Variants in ALDH1A1 observed in about 807,000 individuals in gnomAD.
ALDH1A1 encodes aldehyde dehydrogenase 1A1.
Under a neutral mutation model 62.1 loss-of-function variants are expected in ALDH1A1, and 19 were observed. The observed-to-expected ratio is 0.31, with a 90% CI of 0.21 to 0.45. ALDH1A1 has a LOEUF of 0.45. ALDH1A1 is among the 20% of genes least tolerant of loss of function. The pLI, the probability that ALDH1A1 is intolerant of heterozygous loss-of-function variation, is 1.00. For synonymous variants in ALDH1A1, 231 were observed against 215.9 expected, an observed-to-expected ratio of 1.07 and a Z score of -0.61; for missense variants, 521 against 607.1, an observed-to-expected ratio of 0.86 and a Z score of 1.49.
intron 1 of ALDH1A1, among the ~76,000 whole-genome samples, chr9:72,951,393 A>C (rs184340153): frequency 1.2e-4 from 18 of 151,968 alleles, no homozygotes; most frequent in Middle Eastern, 3.4e-3. Context: ...GGTTATTTAC[A>C]TTAGAGCTTC....
intron 1 of ALDH1A1, among the ~76,000 whole-genome samples, chr9:72,942,048 T>C (rs1399455525): frequency 6.6e-6 from 1 of 152,134 alleles, no homozygotes; most frequent in Non-Finnish European, 1.5e-5. Context: ...TGAATACAGA[T>C]GAAGACCATA....
At chr9:72,937,088 A>G (rs991317812) in intron 2 of ALDH1A1, among the ~76,000 whole-genome samples, 7 of 152,324 alleles carry the variant, frequency 4.6e-5, no homozygotes, top group Middle Eastern at 6.8e-3. Flanking sequence ...GCCATAGCCA[A>G]TAGTCAGGTT....
At chr9:72,923,381 G>A (rs4646544) in intron 7 of ALDH1A1, among the ~76,000 whole-genome samples, 1 of 152,138 alleles carries the variant, frequency 6.6e-6, no homozygotes, top group East Asian at 1.9e-4. Context: ...GGTACAGTAT[G>A]CTTCCACCAC....
Position 72,953,004 on chromosome 9 carries a change from TG to T in ALDH1A1, c.-5del. ...CTGGCGTGCCTGAGGATGACATTTC[TG>T]ATTCGGCTCCTGGAACACAGGTGAC... On this transcript the variant is annotated 5_prime_UTR_variant, in exon 1 of 13. Transcript: ENST00000297785. 2 of 1,613,084 alleles carry T rather than the reference TG, an allele frequency of 1.2e-6. No individual in the cohort carries two copies. The highest frequency in any genetic ancestry group is 2.2e-5 in the South Asian group (2 of 91,050).
intron 7 of ALDH1A1, among the ~76,000 whole-genome samples, chr9:72,919,740 C>T (rs747028161): frequency 1.3e-5 from 2 of 152,338 alleles, no homozygotes; most frequent in African/African-American, 2.4e-5. Flanking sequence ...CCACCCAACA[C>T]ACACACCTTT....
In ALDH1A1 at chr9:72,946,097, T is replaced by A. The variant is rs191241247; in HGVS notation, c.67-5845A>T. Among the ~76,000 whole-genome samples the A allele has an allele frequency of 9.9e-5, 15 of 152,112 alleles. No homozygotes were observed. In the East Asian group the frequency reaches 2.9e-3, roughly 29 times the overall value. Reference sequence around the variant, plus strand: ...GTCCTAGAGATGATAACAAAACTTGTCAGCAACTTCTGTACATCATATATT... The same window carrying A: ...GTCCTAGAGATGATAACAAAACTTGACAGCAACTTCTGTACATCATATATT... On this transcript the variant is annotated intron_variant, in intron 1 of 12. Coordinates refer to ENST00000297785, the MANE Select transcript of ALDH1A1 (RefSeq NM_000689.5).
chr9:72,946,620 G>T (rs1268316926), intron 1 of ALDH1A1, among the ~76,000 whole-genome samples: 1 of 151,974 alleles, frequency 6.6e-6, no homozygotes. Flanking sequence ...GTAAGGGTTT[G>T]TGAAGCAATC....
chr9:72,928,794 G>A, intron 4 of ALDH1A1, 98 bp downstream of exon 4: 2 of 1,318,710 alleles, frequency 1.5e-6, no homozygotes, highest in South Asian at 2.4e-5. Flanking sequence ...TGCCTTATTT[G>A]GTTGACATCT....
At chr9:72,930,787 A>G in intron 3 of ALDH1A1, 92 bp downstream of exon 3, 2 of 1,490,366 alleles carry the variant, frequency 1.3e-6, no homozygotes, top group Non-Finnish European at 9.2e-7. Context: ...TAGAGAGCAT[A>G]TAGTGATCCC....
chr9:72,942,107 A>C (rs1830421841), intron 1 of ALDH1A1, among the ~76,000 whole-genome samples: 1 of 152,176 alleles, frequency 6.6e-6, no homozygotes, highest in Admixed American at 6.6e-5. Context: ...TCTTAGATCA[A>C]CTTGAGGAAA....
rs200569776 is a variant in ALDH1A1, at chr9:72,905,947, G to A, written c.1433+11C>T. 66 of 1,581,306 alleles carry A rather than the reference G, an allele frequency of 4.2e-5. 1 individual carries two copies. The highest frequency in any genetic ancestry group is 1.6e-4 in the African/African-American group (12 of 73,846). On this transcript the variant is annotated intron_variant, in intron 12 of 12. Coordinates refer to ENST00000297785, the MANE Select transcript of ALDH1A1 (RefSeq NM_000689.5). ...AAATAAATATTTATCTTAATAGAAC[G>A]TTAATCTTACAGTTCTCTTCCATTT...
At chr9:72,919,893 T>G (rs975998393) in intron 7 of ALDH1A1, among the ~76,000 whole-genome samples, 2 of 152,228 alleles carry the variant, frequency 1.3e-5, no homozygotes, top group African/African-American at 4.8e-5. Flanking sequence ...CCTTTGTGGA[T>G]CACTTCCCAT....
chr9:72,916,809 A>G (rs1333502254), intron 9 of ALDH1A1, 111 bp downstream of exon 9: 1 of 838,718 alleles, frequency 1.2e-6, no homozygotes, highest in Non-Finnish European at 1.7e-6. Flanking sequence ...CAGCATTGTC[A>G]CCTAGGAAGG....
chr9:72,924,219 C>A, intron 6 of ALDH1A1, 87 bp from the exon 7 acceptor site: 1 of 852,984 alleles, frequency 1.2e-6, no homozygotes. Context: ...CTCTTAATGC[C>A]AACCTTATGA....
chr9:72,934,803 A>T (rs1377839231), intron 2 of ALDH1A1, among the ~76,000 whole-genome samples: 1 of 152,182 alleles, frequency 6.6e-6, no homozygotes, highest in African/African-American at 2.4e-5. Context: ...TGGTTTATAA[A>T]TGAATAGACT....
chr9:72,943,544 G>C (rs1482971954), intron 1 of ALDH1A1, among the ~76,000 whole-genome samples: 1 of 152,162 alleles, frequency 6.6e-6, no homozygotes, highest in South Asian at 2.1e-4. Context: ...GAGATCAGCT[G>C]TAGAGGACCC....
chr9:72,947,180 A>G lies in ALDH1A1; in HGVS notation c.66+5755T>C, dbSNP rs188451234. Among the ~76,000 whole-genome samples, 301 of 152,090 alleles carry G rather than the reference A, an allele frequency of 2.0e-3. 1 individual carries two copies. The highest frequency in any genetic ancestry group is 3.6e-3 in the Non-Finnish European group (247 of 67,916). Reference sequence around the variant, plus strand: ...AGATGAGCATTCTAAATATTAGTAAATGATTATCTCCCACTATTAAAATCA... The same window carrying G: ...AGATGAGCATTCTAAATATTAGTAAGTGATTATCTCCCACTATTAAAATCA... On this transcript the variant is annotated intron_variant, in intron 1 of 12. Coordinates refer to ENST00000297785, the MANE Select transcript of ALDH1A1 (RefSeq NM_000689.5).
intron 1 of ALDH1A1, among the ~76,000 whole-genome samples, chr9:72,949,664 CGTGTGT>C (rs1208876244): frequency 0.019 from 2,715 of 140,414 alleles, 33 homozygotes; most frequent in South Asian, 0.043. Context: ...TGTGTGTGTG[CGTGTGT>C]GTGTGTGTGT....
intron 9 of ALDH1A1, among the ~76,000 whole-genome samples, chr9:72,915,516 A>G (rs1564626859): frequency 1.3e-5 from 2 of 152,208 alleles, no homozygotes; most frequent in African/African-American, 4.8e-5. Flanking sequence ...ACTGATTTGA[A>G]TATATCTCTT....
Sources: gnomAD v4.1 joint callset for allele counts (sites outside exome capture counted in the v4.1 genomes callset) on GRCh38, gnomAD v4.1.1 for gene constraint, MANE v1.5 for transcripts, NCBI Gene and HGNC (gene_info 2026-07-23, HGNC 2026-07-21) for gene names.